CHCHD1: variants seen among roughly 807,000 people sequenced by gnomAD.
CHCHD1 encodes coiled-coil-helix-coiled-coil-helix domain containing 1, also known as small ribosomal subunit protein mS37.
A neutral mutation model predicts 12.7 loss-of-function variants in CHCHD1; 12 were observed. That is an observed-to-expected ratio of 0.95 (90% CI 0.61 to 1.53). The LOEUF (loss-of-function observed/expected upper bound fraction) is 1.53. CHCHD1 is among the 40% of genes most tolerant of loss of function. The pLI is 0.00. For synonymous variants in CHCHD1, 57 were observed against 62.4 expected (o/e 0.91, Z 0.41); for missense variants, 151 against 155.8 (o/e 0.97, Z 0.17).
At chr10:73,782,907 T>G in intron 2 of CHCHD1, 167 bp from the exon 3 acceptor site, 1 of 641,524 alleles carries the variant, frequency 1.6e-6, no homozygotes, top group Non-Finnish European at 2.7e-6. Flanking sequence ...CTGACATAGA[T>G]CTCTCCAGGC....
In CHCHD1 at chr10:73,783,123, G is replaced by C. The variant is rs771781017; in HGVS notation, c.293G>C (p.Ser98Thr). 6.8e-6 allele frequency: 11 copies of C among 1,613,940 alleles called. No individual in the cohort carries two copies. In the Admixed American group the frequency reaches 1.0e-4, roughly 15 times the overall value. ...CAGGAAACCCTGGGAGAGTCTGGGAGTTTACTTCCAAATAAATTGAATAAG... is the reference window on the plus strand; with the variant it reads ...CAGGAAACCCTGGGAGAGTCTGGGACTTTACTTCCAAATAAATTGAATAAG... Reference protein sequence around the residue: ...SIQETLGESGSLLPNKLNKLL... With the variant: ...SIQETLGESGTLLPNKLNKLL... Residue 98 changes from serine (S) to threonine (T), a missense_variant, in exon 3 of 3, where the codon AGT (serine) becomes ACT (threonine). Physicochemically the swap from Ser to Thr is moderately conservative, Grantham distance 58. Coordinates refer to ENST00000372833, the MANE Select transcript of CHCHD1 (RefSeq NM_203298.3).
intron 2 of CHCHD1, 168 bp downstream of exon 2, chr10:73,782,609 A>T: frequency 7.0e-7 from 1 of 1,432,294 alleles, no homozygotes; most frequent in Non-Finnish European, 9.1e-7. Context: ...ATCTTGACGG[A>T]TTTATTCATT....
In CHCHD1 at chr10:73,782,263, T is replaced by TAGGA. The variant is rs1389287780; in HGVS notation, c.125-59_125-56dup. 14 of 1,608,754 alleles carry TAGGA rather than the reference T, an allele frequency of 8.7e-6. No homozygotes were observed. In the Middle Eastern group the frequency reaches 5.0e-4, roughly 57 times the overall value. On this transcript the variant is annotated intron_variant, in intron 1 of 2. Coordinates refer to ENST00000372833, the MANE Select transcript of CHCHD1 (RefSeq NM_203298.3). ...CGGAGCATGAGCAGGGGCGGGTGGG[T>TAGGA]AGGAGGGCAGGAAGGTGGGTCTTCT...
intron 1 of CHCHD1, 42 bp from the exon 2 acceptor site, chr10:73,782,281 G>C: frequency 6.2e-7 from 1 of 1,608,698 alleles, no homozygotes; most frequent in Non-Finnish European, 8.5e-7. Context: ...CAGGAAGGTG[G>C]GTCTTCTTGT....
At chr10:73,782,270 G>A in intron 1 of CHCHD1, 53 bp from the exon 2 acceptor site, 5 of 1,608,954 alleles carry the variant, frequency 3.1e-6, no homozygotes, top group Non-Finnish European at 4.2e-6. Flanking sequence ...GGGTAGGAGG[G>A]CAGGAAGGTG....
intron 2 of CHCHD1, 111 bp from the exon 3 acceptor site, chr10:73,782,963 C>A: frequency 1.2e-6 from 1 of 830,432 alleles, no homozygotes; most frequent in South Asian, 1.4e-5. Flanking sequence ...GAACTATGGG[C>A]CTACATCAGG....
chr10:73,782,632 C>A, intron 2 of CHCHD1, 191 bp downstream of exon 2: 1 of 1,386,036 alleles, frequency 7.2e-7, no homozygotes, highest in Admixed American at 3.3e-5. Flanking sequence ...TCTGAACTTT[C>A]GAGTTACTGT....
intron 2 of CHCHD1, 44 bp downstream of exon 2, chr10:73,782,485 G>GGAGATA: frequency 6.2e-7 from 1 of 1,611,658 alleles, no homozygotes; most frequent in Non-Finnish European, 8.5e-7. Context: ...AAAGAATGGG[G>GGAGATA]GAGATAGAAG....
At chr10:73,782,277 G>A in intron 1 of CHCHD1, 46 bp from the exon 2 acceptor site, 2 of 1,609,150 alleles carry the variant, frequency 1.2e-6, no homozygotes, top group Non-Finnish European at 1.7e-6. Flanking sequence ...AGGGCAGGAA[G>A]GTGGGTCTTC....
chr10:73,782,600 T>C, intron 2 of CHCHD1, 159 bp downstream of exon 2: 1 of 1,447,496 alleles, frequency 6.9e-7, no homozygotes. Context: ...GGCTGTGTGA[T>C]CTTGACGGAT....
In CHCHD1 at chr10:73,783,400, C is replaced by T. The variant is rs1250824385; in HGVS notation, c.*213C>T. 4 of 504,582 alleles carry T rather than the reference C, an allele frequency of 7.9e-6. No homozygotes were observed. Among genetic ancestry groups the T allele is most frequent in the Non-Finnish European group, 1.4e-5 (4 of 284,054 alleles). 31.3% of individuals were successfully genotyped at this position (504,582 alleles called of 1,614,324 possible). On this transcript the variant is annotated 3_prime_UTR_variant, in exon 3 of 3. Coordinates refer to ENST00000372833, the MANE Select transcript of CHCHD1 (RefSeq NM_203298.3). The stretch of plus-strand genomic sequence containing the variant: ...TTGGCCTTTTGTTGTGAATTAGGTA[C>T]TCTCTTCATTCTTGAGCCTCCCCTA...
rs776037664 is a variant in CHCHD1, at chr10:73,782,141, G to A, written c.66G>A (p.Lys22=). ...GGAACCCGCGGAAGCCTGTGCTGAA[G>A]CCCAATAAACCTCTCATTCTAGCTA... ...RFGNPRKPVL[K]PNKPLILANR... The change falls in exon 1 of 3, where the codon AAG becomes AAA. Residue 22 remains lysine (K), a synonymous_variant. Transcript: ENST00000372833. 1 of 1,613,790 alleles carries A rather than the reference G, an allele frequency of 6.2e-7. No homozygotes were observed. Among genetic ancestry groups the A allele is most frequent in the South Asian group, 1.1e-5 (1 of 91,090 alleles).
Position 73,782,439 on chromosome 10 carries a change from C to T in CHCHD1, c.241C>T (p.Gln81Ter), listed in dbSNP as rs1231438849. The change falls in exon 2 of 3, where the codon CAG becomes TAG. Residue 81 changes from glutamine to a stop codon, truncating the protein, a stop_gained and splice_region_variant. Transcript: ENST00000372833. LOFTEE classifies it high-confidence loss of function. The part of the protein sequence containing the change: ...QGFLDCAARA[Q>*]EARKMRSIQE... ...CTTCCTCGATTGTGCCGCGAGGGCT[C>T]AGGTGACCGATGGCTCCTGGGGTGC... 2 of 1,614,160 alleles carry T rather than the reference C, an allele frequency of 1.2e-6. No individual in the cohort carries two copies. Among genetic ancestry groups the T allele is most frequent in the Non-Finnish European group, 8.5e-7 (1 of 1,180,016 alleles).
At chr10:73,782,568 TGGGAAA>T (rs748854205) in intron 2 of CHCHD1, 127 bp downstream of exon 2, 224 of 1,517,266 alleles carry the variant, frequency 1.5e-4, no homozygotes, top group Non-Finnish European at 1.9e-4. Flanking sequence ...CACGCCAAAG[TGGGAAA>T]GGTTACAGTT....
Position 73,782,311 on chromosome 10 carries a change from C to A in CHCHD1, c.125-12C>A. 1 of 1,612,310 alleles carries A rather than the reference C, an allele frequency of 6.2e-7. No homozygotes were observed. Among genetic ancestry groups the A allele is most frequent in the East Asian group, 2.2e-5 (1 of 44,874 alleles). ...TCTTGTGACTGAAGGTCCCCCGGATCTGCCCCTCCAGAGGCGACTTGCATC... is the reference window on the plus strand; with the variant it reads ...TCTTGTGACTGAAGGTCCCCCGGATATGCCCCTCCAGAGGCGACTTGCATC... On this transcript the variant is annotated splice_polypyrimidine_tract_variant and intron_variant, in intron 1 of 2. Transcript: ENST00000372833.
At chr10:73,782,565 A>G in intron 2 of CHCHD1, 124 bp downstream of exon 2, 1 of 1,523,144 alleles carries the variant, frequency 6.6e-7, no homozygotes, top group Non-Finnish European at 8.8e-7. Context: ...ATTCACGCCA[A>G]AGTGGGAAAG....
chr10:73,782,563 C>T, intron 2 of CHCHD1, 122 bp downstream of exon 2: 1 of 1,527,630 alleles, frequency 6.5e-7, no homozygotes, highest in Non-Finnish European at 8.8e-7. Context: ...TTATTCACGC[C>T]AAAGTGGGAA....
chr10:73,782,779 CTA>C, intron 2 of CHCHD1: 1 of 574,756 alleles, frequency 1.7e-6, no homozygotes. Context: ...ACTAAAGAGA[CTA>C]AAACTAAATA....
chr10:73,782,409 C>G lies in CHCHD1; in HGVS notation c.211C>G (p.Gln71Glu). ...CGACGATGCGTGCAGAAAAGAGATC[C>G]AGGGCTTCCTCGATTGTGCCGCGAG... ...FRDDACRKEI[Q>E]GFLDCAARAQ... Residue 71 changes from glutamine (Q) to glutamate (E), a missense_variant, in exon 2 of 3, where the codon CAG (glutamine) becomes GAG (glutamate). Coordinates refer to ENST00000372833, the MANE Select transcript of CHCHD1 (RefSeq NM_203298.3). 1 of 1,614,216 alleles carries G rather than the reference C, an allele frequency of 6.2e-7. No individual in the cohort carries two copies. The highest frequency in any genetic ancestry group is 1.1e-5 in the South Asian group (1 of 91,090).
Sources: allele counts gnomAD v4.1 joint callset, GRCh38; gene constraint gnomAD v4.1.1; transcripts MANE v1.5; gene names NCBI Gene and HGNC (gene_info 2026-07-23, HGNC 2026-07-21).